LARP1B: variants seen among roughly 807,000 people sequenced by gnomAD.
LARP1B encodes the protein La ribonucleoprotein 1B.
In LARP1B, 76 loss-of-function variants were observed where a neutral mutation model predicts 114.2. That is an observed-to-expected ratio of 0.67 (90% CI 0.55 to 0.81). The LOEUF is 0.81. Among genes scored for constraint, LARP1B ranks in the 30% least tolerant of loss-of-function variants. The pLI is 0.00. For synonymous variants in LARP1B, 345 were observed against 348.0 expected (o/e 0.99, Z 0.10); for missense variants, 1,014 against 1,075.8 (o/e 0.94, Z 0.80).
At chr4:128,128,537 A>G (rs1294563817) in intron 11 of LARP1B, among the ~76,000 whole-genome samples, 3 of 152,222 alleles carry the variant, frequency 2.0e-5, no homozygotes. Flanking sequence ...ATATTTTATA[A>G]TAAAGTATTA....
intron 11 of LARP1B, among the ~76,000 whole-genome samples, chr4:128,127,851 AT>A (rs1790157521): frequency 6.6e-6 from 1 of 152,160 alleles, no homozygotes; most frequent in Admixed American, 6.6e-5. Flanking sequence ...AAAAAACAAA[AT>A]TGAAGGACTC....
chr4:128,189,317 A>G (rs1301608122), intron 15 of LARP1B, among the ~76,000 whole-genome samples: 1 of 21,892 alleles, frequency 4.6e-5, no homozygotes, highest in African/African-American at 1.5e-4. Context: ...TGATACAAGT[A>G]TGGCTACTTT....
chr4:128,206,691 C>G (rs1261067779), intron 18 of LARP1B, 154 bp downstream of exon 18: 1 of 985,226 alleles, frequency 1.0e-6, no homozygotes, highest in Non-Finnish European at 1.2e-6. Context: ...GATGGGGCAC[C>G]AGGTAGTAAG....
chr4:128,095,511 AGT>A (rs1777595800), intron 7 of LARP1B, among the ~76,000 whole-genome samples: 1 of 128,554 alleles, frequency 7.8e-6, no homozygotes, highest in Non-Finnish European at 1.7e-5. Flanking sequence ...AAAAAAAAAA[AGT>A]AAATGATTTA....
At chr4:128,203,973 G>C (rs1756828379) in intron 17 of LARP1B, among the ~76,000 whole-genome samples, 2 of 152,284 alleles carry the variant, frequency 1.3e-5, no homozygotes, top group South Asian at 4.1e-4. Context: ...AATGACAACT[G>C]AGAAGGCTGA....
At chr4:128,121,263 C>CATTG (rs1386362338) in intron 10 of LARP1B, among the ~76,000 whole-genome samples, 3 of 152,168 alleles carry the variant, frequency 2.0e-5, no homozygotes, top group Non-Finnish European at 4.4e-5. Context: ...TAGGGAAGAC[C>CATTG]ATTGACTCTG....
At chr4:128,155,361 G>T in intron 11 of LARP1B, 2 of 563,248 alleles carry the variant, frequency 3.6e-6, no homozygotes, top group Admixed American at 3.0e-5. Context: ...CAGCGGCCGT[G>T]GACCACGCGG....
intron 11 of LARP1B, among the ~76,000 whole-genome samples, chr4:128,138,728 C>T (rs933653125): frequency 1.3e-5 from 2 of 152,114 alleles, no homozygotes; most frequent in African/African-American, 4.8e-5. Context: ...GAGGCCAAGC[C>T]AGGTGGATTA....
intron 11 of LARP1B, among the ~76,000 whole-genome samples, chr4:128,143,775 C>T (rs530509318): frequency 9.8e-6 from 1 of 101,974 alleles, no homozygotes; most frequent in Non-Finnish European, 2.3e-5. Context: ...AGTATCTGAA[C>T]ATAGATAAGT....
At chr4:128,135,269 A>T (rs1793000444) in intron 11 of LARP1B, among the ~76,000 whole-genome samples, 1 of 152,196 alleles carries the variant, frequency 6.6e-6, no homozygotes, top group South Asian at 2.1e-4. Context: ...AAACACACAG[A>T]AAATAGTTGT....
At chr4:128,068,056 ATTT>A (rs1479061946) in intron 1 of LARP1B, among the ~76,000 whole-genome samples, 1 of 151,596 alleles carries the variant, frequency 6.6e-6, no homozygotes. Context: ...AATTTTTTGC[ATTT>A]TTAGTAGAGA....
At chr4:128,083,961 C>T (rs1275721247) in intron 5 of LARP1B, among the ~76,000 whole-genome samples, 3 of 151,042 alleles carry the variant, frequency 2.0e-5, no homozygotes, top group Non-Finnish European at 4.4e-5. Context: ...GGTTGCTGGG[C>T]GGAGGGTCTC....
At chr4:128,184,498 T>C (rs920745088) in intron 15 of LARP1B, among the ~76,000 whole-genome samples, 3 of 152,232 alleles carry the variant, frequency 2.0e-5, no homozygotes, top group African/African-American at 7.2e-5. Context: ...ATGCATACAA[T>C]GTGTAATGAT....
intron 15 of LARP1B, among the ~76,000 whole-genome samples, chr4:128,196,248 C>CAAA (rs35423896): frequency 2.7e-4 from 24 of 88,556 alleles, no homozygotes; most frequent in East Asian, 6.8e-4. Flanking sequence ...GAGAGTCTGT[C>CAAA]AAAAAAAAAA....
At chr4:128,085,445 A>G (rs1773085661) in intron 5 of LARP1B, among the ~76,000 whole-genome samples, 1 of 142,714 alleles carries the variant, frequency 7.0e-6, no homozygotes, top group South Asian at 2.2e-4. Context: ...AGCTCACTGC[A>G]GTCTTGAACT....
chr4:128,085,966 A>G (rs1773315593), intron 5 of LARP1B, among the ~76,000 whole-genome samples: 1 of 149,148 alleles, frequency 6.7e-6, no homozygotes, highest in South Asian at 2.1e-4. Flanking sequence ...GTCTAGTGGA[A>G]TTCCTGTATT....
intron 10 of LARP1B, among the ~76,000 whole-genome samples, chr4:128,115,981 G>A (rs1785657319): frequency 6.6e-6 from 1 of 152,178 alleles, no homozygotes; most frequent in African/African-American, 2.4e-5. Flanking sequence ...AAATTTTGAA[G>A]TTACACTCAT....
chr4:128,166,954 CTCTCTCTCTCTCTCTCTATATA>C (rs1741160706), intron 12 of LARP1B, among the ~76,000 whole-genome samples: 1 of 113,870 alleles, frequency 8.8e-6, no homozygotes, highest in East Asian at 2.6e-4. Context: ...CTCTCTCTCT[CTCTCTCTCTCTCTCTCTATATA>C]TATATATATA....
chr4:128,214,484 G>A (rs1183725009), downstream of LARP1B, among the ~76,000 whole-genome samples: 2 of 151,882 alleles, frequency 1.3e-5, no homozygotes, highest in Non-Finnish European at 2.9e-5. Context: ...TCCTCAAGTG[G>A]GTCCCTGACC....
Sources: gnomAD v4.1 joint callset for allele counts (sites outside exome capture counted in the v4.1 genomes callset) on GRCh38, gnomAD v4.1.1 for gene constraint, MANE v1.5 for transcripts, NCBI Gene and HGNC (gene_info 2026-07-23, HGNC 2026-07-21) for gene names.